Variants in CDH13 observed in about 807,000 individuals in gnomAD.
CDH13 encodes the protein cadherin-13.
In CDH13, 24 loss-of-function variants were observed where a neutral mutation model predicts 63.8. The ratio of observed to expected loss-of-function variants is 0.38; its 90% confidence interval spans 0.27 to 0.53. The LOEUF is 0.53. Among genes scored for constraint, CDH13 ranks in the 20% least tolerant of loss-of-function variants. The probability of loss-of-function intolerance (pLI) is 0.85; values close to 1 mark genes in which losing one functional copy is unlikely to be tolerated. For synonymous variants in CDH13, 503 were observed against 355.3 expected, an observed-to-expected ratio of 1.42 and a Z score of -4.67; for missense variants, 1,049 against 903.1, an observed-to-expected ratio of 1.16 and a Z score of -2.07.
Position 82,793,573 on chromosome 16 carries a change from T to G in CDH13, c.46-64789T>G, listed in dbSNP as rs980482914. On this transcript the variant is annotated intron_variant, in intron 1 of 13. Transcript: ENST00000567109. ...CCATGTCAGTCTGCCGTGTGCTTGG[T>G]GAACCCCTGCTGGGCCGCATCATTT... Among the ~76,000 whole-genome samples, 6 of 152,192 alleles carry G rather than the reference T, an allele frequency of 3.9e-5. 2 individuals are homozygous for G. Among genetic ancestry groups the G allele is most frequent in the South Asian group, 4.1e-4 (2 of 4,820 alleles).
chr16:82,789,135 C>T (rs2036164565), intron 1 of CDH13, among the ~76,000 whole-genome samples: 1 of 152,238 alleles, frequency 6.6e-6, no homozygotes, highest in Admixed American at 6.5e-5. Flanking sequence ...TGGAATTTCA[C>T]ACCCCACCCC....
intron 7 of CDH13, among the ~76,000 whole-genome samples, chr16:83,515,617 G>A (rs1360271357): frequency 6.6e-6 from 1 of 152,154 alleles, no homozygotes. Context: ...TTAAAAAGCA[G>A]TGTAAAATTT....
In CDH13 at chr16:83,006,427, C is replaced by G. The variant is rs111267939; in HGVS notation, c.158-25583C>G. 3.2e-3 allele frequency among the ~76,000 whole-genome samples: 482 copies of G among 152,320 alleles called. 3 individuals carry two copies. The Middle Eastern group carries it at 0.034, about 11-fold the overall frequency. ...TACTTTCCCCCAGAATAGCTCCTCT[C>G]TAAAAAATGCCAAAGCTTGCCTTTC... is the stretch of plus-strand genomic sequence containing the variant. On this transcript the variant is annotated intron_variant, in intron 2 of 13. Coordinates refer to ENST00000567109, the MANE Select transcript of CDH13 (RefSeq NM_001257.5).
chr16:82,995,675 A>G (rs776255011), intron 2 of CDH13, among the ~76,000 whole-genome samples: 3 of 152,132 alleles, frequency 2.0e-5, no homozygotes, highest in Non-Finnish European at 4.4e-5. Context: ...AACACACCAA[A>G]CAACTATTTT....
At chr16:83,549,957 A>G (rs1598273419) in intron 7 of CDH13, among the ~76,000 whole-genome samples, 1 of 152,188 alleles carries the variant, frequency 6.6e-6, no homozygotes, top group African/African-American at 2.4e-5. Context: ...TCTTGCTGGT[A>G]CAATCTGGAT....
chr16:83,571,537 C>A (rs566699282), intron 7 of CDH13, among the ~76,000 whole-genome samples: 2 of 152,062 alleles, frequency 1.3e-5, no homozygotes, highest in East Asian at 1.9e-4. Context: ...ATAACAGGCC[C>A]CGAGTTTGTA....
intron 5 of CDH13, among the ~76,000 whole-genome samples, chr16:83,315,599 GA>G (rs1451482846): frequency 1.3e-5 from 2 of 149,394 alleles, no homozygotes; most frequent in African/African-American, 2.5e-5. Context: ...TGCTTCGGGG[GA>G]AAAATAAAAG....
chr16:83,368,250 C>T (rs1018341056), intron 6 of CDH13, among the ~76,000 whole-genome samples: 14 of 152,146 alleles, frequency 9.2e-5, no homozygotes, highest in African/African-American at 2.9e-4. Flanking sequence ...GTTTGTTATA[C>T]ACTCATAATT....
At chr16:83,214,441 A>C (rs2039433327) in intron 4 of CDH13, among the ~76,000 whole-genome samples, 2 of 151,820 alleles carry the variant, frequency 1.3e-5, no homozygotes, top group Admixed American at 1.3e-4. Flanking sequence ...TTAGCCAGGC[A>C]TGGTGGCGTG....
At chr16:83,550,060 T>G (rs539515398) in intron 7 of CDH13, among the ~76,000 whole-genome samples, 1 of 152,348 alleles carries the variant, frequency 6.6e-6, no homozygotes, top group South Asian at 2.1e-4. Flanking sequence ...GGGGATGCTC[T>G]TGCCTTCTAG....
intron 4 of CDH13, among the ~76,000 whole-genome samples, chr16:83,166,958 A>G (rs1002880490): frequency 9.2e-5 from 14 of 152,282 alleles, no homozygotes; most frequent in African/African-American, 2.6e-4. Context: ...ATTCTAGGAG[A>G]GAAGCAGTTG....
intron 4 of CDH13, among the ~76,000 whole-genome samples, chr16:83,126,241 C>G (rs1157552459): frequency 6.6e-6 from 1 of 152,154 alleles, no homozygotes; most frequent in Non-Finnish European, 1.5e-5. Flanking sequence ...CTTCTGGCCA[C>G]TGGGAGAGCA....
At chr16:83,078,698 CT>C (rs1482951415) in intron 3 of CDH13, among the ~76,000 whole-genome samples, 1 of 152,238 alleles carries the variant, frequency 6.6e-6, no homozygotes, top group East Asian at 1.9e-4. Context: ...GGTTGGTCCT[CT>C]TATCAGGCTG....
At chr16:82,834,589 G>A (rs192950750) in intron 1 of CDH13, among the ~76,000 whole-genome samples, 3 of 148,820 alleles carry the variant, frequency 2.0e-5, no homozygotes, top group East Asian at 1.9e-4. Context: ...ACTGTGGGTC[G>A]AGTTATACTT....
chr16:83,747,088 TC>T (rs1912650666), intron 10 of CDH13, among the ~76,000 whole-genome samples: 1 of 152,228 alleles, frequency 6.6e-6, no homozygotes. Flanking sequence ...ATCTGTATAT[TC>T]AACAAATATT....
intron 6 of CDH13, among the ~76,000 whole-genome samples, chr16:83,405,114 G>T (rs1380907030): frequency 6.7e-6 from 1 of 149,762 alleles, no homozygotes; most frequent in African/African-American, 2.5e-5. Context: ...ATTTTCTGAA[G>T]TCCCAATCCC....
At chr16:82,692,513 G>C (rs1367078251) in intron 1 of CDH13, among the ~76,000 whole-genome samples, 1 of 152,014 alleles carries the variant, frequency 6.6e-6, no homozygotes, top group Admixed American at 6.5e-5. Flanking sequence ...TCACTACCAT[G>C]AGAATGACAT....
intron 5 of CDH13, among the ~76,000 whole-genome samples, chr16:83,251,628 C>T (rs994552293): frequency 6.6e-6 from 1 of 152,234 alleles, no homozygotes; most frequent in Non-Finnish European, 1.5e-5. Context: ...GAAGGCACAT[C>T]ACCTGTCTCT....
At chr16:82,783,809 G>T (rs1191064713) in intron 1 of CDH13, among the ~76,000 whole-genome samples, 2 of 144,332 alleles carry the variant, frequency 1.4e-5, no homozygotes, top group South Asian at 4.9e-4. Context: ...CAGAGGCAGC[G>T]GCAGGCTTCT....
Sources: gnomAD v4.1 joint callset for allele counts (sites outside exome capture counted in the v4.1 genomes callset) on GRCh38, gnomAD v4.1.1 for gene constraint, MANE v1.5 for transcripts, NCBI Gene and HGNC (gene_info 2026-07-23, HGNC 2026-07-21) for gene names.